FSTL4: variants seen among roughly 807,000 people sequenced by gnomAD.
FSTL4 encodes the protein follistatin like 4.
A neutral mutation model predicts 78.2 loss-of-function variants in FSTL4; 28 were observed. That is an observed-to-expected ratio of 0.36 (90% CI 0.27 to 0.49). The LOEUF is 0.49. Ranked by LOEUF, FSTL4 falls within the 20% of genes least tolerant of loss-of-function variation. FSTL4 has a pLI of 0.98. For synonymous variants in FSTL4, 422 were observed against 440.5 expected (o/e 0.96, Z 0.53); for missense variants, 922 against 1,084.9 (o/e 0.85, Z 2.11).
intron 4 of FSTL4, among the ~76,000 whole-genome samples, chr5:133,353,551 T>G (rs1754875651): frequency 6.8e-6 from 1 of 147,908 alleles, no homozygotes. Flanking sequence ...TAACTAGGAG[T>G]GAAAATGAGG....
chr5:133,576,126 T>C (rs778778532), intron 2 of FSTL4, among the ~76,000 whole-genome samples: 1 of 152,212 alleles, frequency 6.6e-6, no homozygotes, highest in Admixed American at 6.5e-5. Context: ...TGCTGAGCAA[T>C]ATTTTTCATA....
intron 11 of FSTL4, among the ~76,000 whole-genome samples, chr5:133,223,111 C>G (rs1751204612): frequency 6.6e-6 from 1 of 152,198 alleles, no homozygotes; most frequent in East Asian, 1.9e-4. Flanking sequence ...GTAACCTCCC[C>G]TAAGGAAAAC....
chr5:133,735,382 T>C, the FSTL4 span, among the ~76,000 whole-genome samples: 1 of 152,120 alleles, frequency 6.6e-6, no homozygotes. Context: ...GAAAATCACT[T>C]GAACCAGGGA....
At chr5:133,486,278 A>G (rs1758133439) in intron 3 of FSTL4, among the ~76,000 whole-genome samples, 1 of 151,904 alleles carries the variant, frequency 6.6e-6, no homozygotes, top group Non-Finnish European at 1.5e-5. Flanking sequence ...GGGGAGAAAC[A>G]GAGACCAAGA....
Position 133,437,316 on chromosome 5 carries a change from C to T in FSTL4, c.161-36330G>A, listed in dbSNP as rs528592198. On this transcript the variant is annotated intron_variant, in intron 3 of 15. Coordinates refer to ENST00000265342, the MANE Select transcript of FSTL4 (RefSeq NM_015082.2). ...AGTAGGAGCCGTCAGTGACAGTCAC[C>T]GCACTTGGGCACTATTTCAACCTTT... 1.1e-4 allele frequency among the ~76,000 whole-genome samples: 16 copies of T among 152,128 alleles called. No individual in the cohort carries two copies. The East Asian group carries it at 2.1e-3, about 20-fold the overall frequency.
At chr5:133,355,429 G>A (rs901416197) in intron 4 of FSTL4, among the ~76,000 whole-genome samples, 21 of 152,160 alleles carry the variant, frequency 1.4e-4, no homozygotes, top group African/African-American at 4.3e-4. Flanking sequence ...AGGCCAAGGC[G>A]GGTGGATCAT....
At chr5:133,280,457 T>C (rs1264824713) in intron 6 of FSTL4, among the ~76,000 whole-genome samples, 1 of 152,116 alleles carries the variant, frequency 6.6e-6, no homozygotes, top group Non-Finnish European at 1.5e-5. Context: ...CTGATGCCAT[T>C]TGGGACATGG....
At chr5:133,432,719 A>G (rs1343629412) in intron 3 of FSTL4, among the ~76,000 whole-genome samples, 1 of 152,200 alleles carries the variant, frequency 6.6e-6, no homozygotes, top group Non-Finnish European at 1.5e-5. Context: ...GTCAAGTGGA[A>G]ACCTATGGAA....
At chr5:133,621,395 G>A in the FSTL4 span, among the ~76,000 whole-genome samples, 16 of 151,132 alleles carry the variant, frequency 1.1e-4, no homozygotes, top group Non-Finnish European at 4.4e-5. Context: ...GCGAGACTCC[G>A]TCTCAAAAAA....
At chr5:133,289,837 A>G (rs1753217762) in intron 6 of FSTL4, among the ~76,000 whole-genome samples, 1 of 152,256 alleles carries the variant, frequency 6.6e-6, no homozygotes, top group African/African-American at 2.4e-5. Flanking sequence ...TCAGCCAGGC[A>G]CAGAGTTGTT....
chr5:133,543,185 G>A (rs1243261237), intron 3 of FSTL4, among the ~76,000 whole-genome samples: 2 of 152,012 alleles, frequency 1.3e-5, no homozygotes, highest in African/African-American at 4.8e-5. Context: ...TGAGTAGCTG[G>A]GACTTCAGGT....
At chr5:133,704,233 T>C in the FSTL4 span, among the ~76,000 whole-genome samples, 1 of 152,220 alleles carries the variant, frequency 6.6e-6, no homozygotes, top group Non-Finnish European at 1.5e-5. Flanking sequence ...TGTTTCAGCT[T>C]GTTTCCACTT....
the FSTL4 span, among the ~76,000 whole-genome samples, chr5:133,624,879 A>T: frequency 2.6e-5 from 4 of 151,598 alleles, no homozygotes; most frequent in African/African-American, 9.7e-5. Flanking sequence ...CCTGTGTATC[A>T]TTTTGGGGAG....
At chr5:133,756,564 C>G in the FSTL4 span, among the ~76,000 whole-genome samples, 2 of 152,108 alleles carry the variant, frequency 1.3e-5, no homozygotes, top group Admixed American at 6.5e-5. Flanking sequence ...TTCCAGCCCA[C>G]CACGGGAAGA....
rs146826830 is a variant in FSTL4 at position 133,560,155 on chromosome 5, G to A, written c.160+7031C>T. Among the ~76,000 whole-genome samples, 491 of 152,342 alleles carry A rather than the reference G, an allele frequency of 3.2e-3. 6 individuals are homozygous for A. Among genetic ancestry groups the A allele is most frequent in the Middle Eastern group, 0.014 (4 of 294 alleles). On this transcript the variant is annotated intron_variant, in intron 3 of 15. Coordinates refer to ENST00000265342, the MANE Select transcript of FSTL4 (RefSeq NM_015082.2). ...CCAGGGCAAAGGCTACAGGTACCAG[G>A]TGAGTGGCGCTGTGGCTCTTGGGGA...
intron 6 of FSTL4, among the ~76,000 whole-genome samples, chr5:133,287,032 A>G (rs6880078): frequency 0.38 from 57,423 of 151,960 alleles, 11,674 homozygotes; most frequent in Middle Eastern, 0.56. Context: ...TCCCATCTTT[A>G]TGTTCACAAG....
the FSTL4 span, among the ~76,000 whole-genome samples, chr5:133,715,868 A>G: frequency 1.3e-5 from 2 of 152,204 alleles, no homozygotes; most frequent in Non-Finnish European, 2.9e-5. Flanking sequence ...ACTCAGCTCC[A>G]CAGAGTGGGT....
the FSTL4 span, among the ~76,000 whole-genome samples, chr5:133,622,461 T>A: frequency 6.6e-6 from 1 of 152,164 alleles, no homozygotes; most frequent in Non-Finnish European, 1.5e-5. Flanking sequence ...GTGGCCAATT[T>A]CGAATAAAAA....
At position 133,312,706 on chromosome 5, in the gene FSTL4, G is replaced by T. The variant is rs147434496; in HGVS notation, c.675C>A (p.Asp225Glu). The T allele has an allele frequency of 6.2e-7, 1 of 1,613,590 alleles. No individual in the cohort carries two copies. The highest frequency in any genetic ancestry group is 1.7e-5 in the Admixed American group (1 of 60,008). The change falls in exon 6 of 16, where the codon GAC (aspartate) becomes GAA (glutamate). Residue 225 changes from aspartate to glutamate, a missense_variant. Transcript: ENST00000265342. The stretch of plus-strand genomic sequence containing the variant: ...TCAGGGAGCTGTCACTGTTGTAATC[G>T]TCAAATCGGAGGAGGTCACCTGGTG... ...GCSPGDLLRF[D>E]DYNSDSSLTL...
Sources: allele counts gnomAD v4.1 joint callset (sites outside exome capture counted in the v4.1 genomes callset), GRCh38; gene constraint gnomAD v4.1.1; transcripts MANE v1.5; gene names NCBI Gene and HGNC (gene_info 2026-07-23, HGNC 2026-07-21).